The following HSPG2 variants were observed in gnomAD, a reference collection of about 807,000 sequenced individuals.
HSPG2 encodes the protein basement membrane-specific heparan sulfate proteoglycan core protein.
In HSPG2, 278 loss-of-function variants were observed where a neutral mutation model predicts 526.6. That is an observed-to-expected ratio of 0.53 (90% CI 0.48 to 0.58). HSPG2 has a LOEUF of 0.58. HSPG2 is among the 20% of genes least tolerant of loss of function. HSPG2 has a pLI of 0.00. For synonymous variants in HSPG2, 2,465 were observed against 2,555.4 expected (o/e 0.96, Z 1.07); for missense variants, 5,354 against 6,099.5 (o/e 0.88, Z 4.07).
Position 21,855,615 on chromosome 1 carries a change from G to T in HSPG2, c.5762C>A (p.Pro1921Gln). 6.3e-7 allele frequency: 1 copy of T among 1,579,254 alleles called. No homozygotes were observed. Among genetic ancestry groups the T allele is most frequent in the East Asian group, 2.3e-5 (1 of 43,468 alleles). Residue 1921 changes from proline (P) to glutamine (Q), a missense_variant, in exon 46 of 97, where the codon CCA (proline) becomes CAA (glutamine). By Grantham distance (76) the Pro-to-Gln change is moderately conservative (BLOSUM62 -1). Coordinates refer to ENST00000374695, the MANE Select transcript of HSPG2 (RefSeq NM_005529.7). Reference protein sequence around the residue: ...AQIHGGILRLPAVEPTDQAQY... With the variant: ...AQIHGGILRLQAVEPTDQAQY... ...GGCCTGATCCGTGGGCTCGACAGCT[G>T]GCAGGCGCAGGATGCCGCCGTGGAT...
intron 1 of HSPG2, among the ~76,000 whole-genome samples, chr1:21,920,187 G>C (rs574176828): frequency 2.0e-5 from 3 of 152,200 alleles, no homozygotes; most frequent in Non-Finnish European, 4.4e-5. Flanking sequence ...GATTACAGGC[G>C]TGAGCCACCG....
At chr1:21,870,109 C>A (rs371769316) in intron 33 of HSPG2, 1 of 355,474 alleles carries the variant, frequency 2.8e-6, no homozygotes, top group Non-Finnish European at 3.9e-6. Context: ...GGGAAATGGC[C>A]CAGGAAAGCT....
At position 21,839,762 on chromosome 1, in the gene HSPG2, C is replaced by T; in HGVS notation, c.9709+60G>A. The T allele has an allele frequency of 1.3e-6, 2 of 1,570,520 alleles. No individual in the cohort carries two copies. The highest frequency in any genetic ancestry group is 1.7e-6 in the Non-Finnish European group (2 of 1,147,858). On this transcript the variant is annotated intron_variant, in intron 72 of 96. Coordinates refer to ENST00000374695, the MANE Select transcript of HSPG2 (RefSeq NM_005529.7). The surrounding 1 kb of genome is among the most constrained non-coding windows in gnomAD (Gnocchi z 4.5). ...ATCATCTCTAGATCACATGTGTCTA[C>T]ATTTCAGACCCCAGGGCATCCCTGC...
intron 44 of HSPG2, 52 bp from the exon 45 acceptor site, chr1:21,855,964 C>A (rs760057167): frequency 1.3e-6 from 2 of 1,596,862 alleles, no homozygotes; most frequent in Non-Finnish European, 1.7e-6. Flanking sequence ...TGTCGTCTGA[C>A]TCACACAACA....
intron 14 of HSPG2, 31 bp from the exon 15 acceptor site, chr1:21,880,866 G>T (rs1641447515): frequency 6.4e-7 from 1 of 1,568,004 alleles, no homozygotes. Context: ...AGCACGGGCA[G>T]CTGTGGGCAC....
rs751432112 is a variant in HSPG2, at chr1:21,847,402, C to T, written c.8116G>A (p.Glu2706Lys). 2 of 1,613,992 alleles carry T rather than the reference C, an allele frequency of 1.2e-6. No individual in the cohort carries two copies. Among genetic ancestry groups the T allele is most frequent in the Admixed American group, 3.3e-5 (2 of 60,028 alleles). Residue 2706 changes from glutamate (E) to lysine (K), a missense_variant, in exon 62 of 97, where the codon GAG becomes AAG. Physicochemically the swap from Glu to Lys is moderately conservative, Grantham distance 56. Coordinates refer to ENST00000374695, the MANE Select transcript of HSPG2 (RefSeq NM_005529.7). This position sits in a 1 kb window ranked among gnomAD's most constrained non-coding sequence, Gnocchi z 4.1. ...GAGACGGAGATGACGATGGAGGCCT[C>T]CAGGGCATCGATGTTGTTGTTGGCC... ...CRANNNIDAL[E>K]ASIVISVSPS...
chr1:21,896,018 C>CT lies in HSPG2; in HGVS notation c.200-53dup, dbSNP rs549583038. 2.9e-4 allele frequency: 461 copies of CT among 1,600,602 alleles called. 2 individuals carry two copies. In the East Asian group the frequency reaches 7.4e-3, roughly 26 times the overall value. On this transcript the variant is annotated intron_variant, in intron 2 of 96. Transcript: ENST00000374695. ...GCAACAACAAGTATTTGTTGAGTAC[C>CT]TACTGGGTGTCAGGCACTGTTCTGG...
At chr1:21,829,104 G>A (rs1200272162) in intron 87 of HSPG2, 25 bp from the exon 88 acceptor site, 1 of 1,527,694 alleles carries the variant, frequency 6.5e-7, no homozygotes, top group Non-Finnish European at 8.8e-7. Context: ...AGGCAGGGTT[G>A]GGCACATGGG....
Position 21,841,274 on chromosome 1 carries a change from C to T in HSPG2, c.9340G>A (p.Val3114Met), listed in dbSNP as rs1278828162. Residue 3114 changes from valine to methionine, a missense_variant, in exon 71 of 97, where the codon GTG becomes ATG. Physicochemically the swap from Val to Met is conservative, Grantham distance 21. Transcript: ENST00000374695. Reference protein sequence around the residue: ...VNLSVHGPPTVSVLPEGPVWV... With the variant: ...VNLSVHGPPTMSVLPEGPVWV... ...ACGGGGCCCTCGGGGAGCACGGACA[C>T]TGTAGGGGGCCCTGTGCGGAGGAAT... 6.2e-7 allele frequency: 1 copy of T among 1,613,762 alleles called. No individual in the cohort carries two copies. Among genetic ancestry groups the T allele is most frequent in the Non-Finnish European group, 8.5e-7 (1 of 1,180,010 alleles).
chr1:21,836,653 G>C (rs1239124197), intron 75 of HSPG2, 149 bp downstream of exon 75: 2 of 728,574 alleles, frequency 2.7e-6, no homozygotes, highest in Non-Finnish European at 4.7e-6. Context: ...CCACTGTACA[G>C]CTGAGAACAC....
At chr1:21,925,876 A>AT (rs66483955) in intron 1 of HSPG2, among the ~76,000 whole-genome samples, 150 of 146,196 alleles carry the variant, frequency 1.0e-3, no homozygotes, top group African/African-American at 2.4e-3. Flanking sequence ...TTTTATTTTT[A>AT]TTTTTTTTTT....
rs202072683 is a variant in HSPG2 at position 21,842,798 on chromosome 1, C to T, written c.8882G>A (p.Arg2961His). The T allele has an allele frequency of 2.5e-5, 40 of 1,613,524 alleles. 1 individual carries two copies. The highest frequency in any genetic ancestry group is 4.5e-5 in the East Asian group (2 of 44,894). The change falls in exon 67 of 97, where the codon CGC becomes CAC. Residue 2961 changes from arginine to histidine, a missense_variant. Arg to His is a conservative substitution (Grantham distance 29). Coordinates refer to ENST00000374695, the MANE Select transcript of HSPG2 (RefSeq NM_005529.7). ...QAHAQVTWYK[R>H]GGSLPARHQT... ...GTGCCGGGCGGGGAGGCTGCCCCCG[C>T]GCTTGTACCACGTGACCTGGGCATG...
In HSPG2 at chr1:21,891,458, C is replaced by T. The variant is rs115861910; in HGVS notation, c.245-764G>A. Among the ~76,000 whole-genome samples, 832 of 152,324 alleles carry T rather than the reference C, an allele frequency of 5.5e-3. 7 individuals are homozygous for T. Among genetic ancestry groups the T allele is most frequent in the African/African-American group, 0.019 (788 of 41,574 alleles). ...ATCGAAGCTGCTGTGGTCCTCTCTC[C>T]ACCACCAGACTCTAGGCTTGATGGA... On this transcript the variant is annotated intron_variant, in intron 3 of 96. Transcript: ENST00000374695.
At chr1:21,928,389 T>G (rs568262765) in intron 1 of HSPG2, among the ~76,000 whole-genome samples, 1 of 152,232 alleles carries the variant, frequency 6.6e-6, no homozygotes, top group Non-Finnish European at 1.5e-5. Flanking sequence ...AGCCTGGGCC[T>G]TCTTGGCCTG....
At chr1:21,930,855 G>A (rs1644329594) in intron 1 of HSPG2, among the ~76,000 whole-genome samples, 1 of 151,728 alleles carries the variant, frequency 6.6e-6, no homozygotes, top group Non-Finnish European at 1.5e-5. Context: ...TTTAAAAAAC[G>A]CTTAATCACA....
chr1:21,864,171 G>A lies in HSPG2; in HGVS notation c.4669C>T (p.Leu1557Phe), dbSNP rs1640040913. The A allele has an allele frequency of 2.6e-6, 4 of 1,555,184 alleles. No homozygotes were observed. Among genetic ancestry groups the A allele is most frequent in the African/African-American group, 1.4e-5 (1 of 73,230 alleles). Residue 1557 changes from leucine to phenylalanine, a missense_variant, in exon 37 of 97, where the codon CTC becomes TTC. Leu to Phe is a conservative substitution (Grantham distance 22, BLOSUM62 0). Coordinates refer to ENST00000374695, the MANE Select transcript of HSPG2 (RefSeq NM_005529.7). This position sits in a 1 kb window ranked among gnomAD's most constrained non-coding sequence, Gnocchi z 4.8. Reference protein sequence around the residue: ...GYTRTGSGLYLGHCELCECNG... With the variant: ...GYTRTGSGLYFGHCELCECNG... ...CATTCACATAGCTCGCAGTGGCCGAGGTAGAGCCCACTCCCGGTGCGCGTG... is the reference window on the plus strand; with the variant it reads ...CATTCACATAGCTCGCAGTGGCCGAAGTAGAGCCCACTCCCGGTGCGCGTG...
intron 13 of HSPG2, among the ~76,000 whole-genome samples, chr1:21,882,995 T>A (rs1355284603): frequency 6.6e-6 from 1 of 152,054 alleles, no homozygotes; most frequent in East Asian, 1.9e-4. Context: ...GCCTCCTCCC[T>A]CCTGGTCACC....
Position 21,876,658 on chromosome 1 carries a change from G to A in HSPG2, c.2686-6C>T. ...AAGCGCCCCACCACATTGTTCTGCA[G>A]GCACAGAGTTGGAGCTGAAGGACAG... is the stretch of plus-strand genomic sequence containing the variant. On this transcript the variant is annotated splice_polypyrimidine_tract_variant and splice_region_variant and intron_variant, in intron 21 of 96. Coordinates refer to ENST00000374695, the MANE Select transcript of HSPG2 (RefSeq NM_005529.7). 1 of 1,614,218 alleles carries A rather than the reference G, an allele frequency of 6.2e-7. No homozygotes were observed. The highest frequency in any genetic ancestry group is 8.5e-7 in the Non-Finnish European group (1 of 1,180,040).
intron 1 of HSPG2, among the ~76,000 whole-genome samples, chr1:21,897,949 T>C (rs1475383447): frequency 1.3e-5 from 2 of 152,218 alleles, no homozygotes; most frequent in African/African-American, 2.4e-5. Flanking sequence ...AACCCCAGTC[T>C]GGTTCTGGGC....
Sources: allele counts gnomAD v4.1 joint callset (sites outside exome capture counted in the v4.1 genomes callset), GRCh38; gene constraint gnomAD v4.1.1; non-coding constraint Gnocchi (gnomAD v3.1); transcripts MANE v1.5; gene names NCBI Gene and HGNC (gene_info 2026-07-23, HGNC 2026-07-21).